The following B3GLCT variants were observed in gnomAD, a reference collection of about 807,000 sequenced individuals.
The protein encoded by B3GLCT is beta-1,3-glucosyltransferase.
In B3GLCT, 65 loss-of-function variants were observed where a neutral mutation model predicts 63.4. That is an observed-to-expected ratio of 1.03 (90% CI 0.84 to 1.26). The LOEUF is 1.26. Ranked by LOEUF, B3GLCT falls within the 50% of genes most tolerant of loss-of-function variation. The pLI is 0.00. For missense variants in B3GLCT, 577 were observed against 604.8 expected (o/e 0.95, Z 0.48); for synonymous variants, 233 against 219.2 (o/e 1.06, Z -0.55).
chr13:31,293,609 A>G (rs1171156002), intron 12 of B3GLCT, among the ~76,000 whole-genome samples: 1 of 152,024 alleles, frequency 6.6e-6, no homozygotes, highest in African/African-American at 2.4e-5. Context: ...GTTTTATCAG[A>G]TAGTAGGATT....
chr13:31,242,596 G>A (rs2137797659), intron 4 of B3GLCT, among the ~76,000 whole-genome samples: 1 of 152,340 alleles, frequency 6.6e-6, no homozygotes, highest in South Asian at 2.1e-4. Context: ...AAACTCACTC[G>A]AGTTGCATGG....
intron 12 of B3GLCT, among the ~76,000 whole-genome samples, chr13:31,315,000 A>G (rs1378598330): frequency 6.6e-6 from 1 of 152,134 alleles, no homozygotes; most frequent in East Asian, 1.9e-4. Context: ...TGCTGCCACC[A>G]TGTAAGAAAT....
At chr13:31,268,553 A>G (rs1383965987) in intron 7 of B3GLCT, among the ~76,000 whole-genome samples, 1 of 152,160 alleles carries the variant, frequency 6.6e-6, no homozygotes, top group African/African-American at 2.4e-5. Context: ...TTTGGTGTTT[A>G]CAAGTTTGCT....
chr13:31,323,707 TG>T, intron 13 of B3GLCT, 43 bp from the exon 14 acceptor site: 1 of 1,612,862 alleles, frequency 6.2e-7, no homozygotes, highest in Non-Finnish European at 8.5e-7. Flanking sequence ...CAGCGGTGTC[TG>T]TGGAGCTTCT....
chr13:31,208,491 G>A (rs1218233508), intron 1 of B3GLCT, among the ~76,000 whole-genome samples: 1 of 151,984 alleles, frequency 6.6e-6, no homozygotes, highest in African/African-American at 2.4e-5. Flanking sequence ...CAGGACGCTG[G>A]GCACCAAGTT....
chr13:31,240,156 C>G (rs1401010693), intron 4 of B3GLCT, among the ~76,000 whole-genome samples: 10 of 152,134 alleles, frequency 6.6e-5, no homozygotes, highest in Non-Finnish European at 8.8e-5. Flanking sequence ...AATCAGAAGT[C>G]AGGATGCTTA....
chr13:31,285,609 A>T (rs1566081476), intron 11 of B3GLCT, among the ~76,000 whole-genome samples: 1 of 91,606 alleles, frequency 1.1e-5, no homozygotes. Context: ...ATGAGTAAAA[A>T]AAAAAAAAAA....
intron 6 of B3GLCT, among the ~76,000 whole-genome samples, chr13:31,249,900 A>C (rs1462971870): frequency 1.3e-5 from 2 of 152,228 alleles, no homozygotes; most frequent in Non-Finnish European, 2.9e-5. Context: ...CTTTGAGTAC[A>C]TTAAAATAAT....
At chr13:31,237,203 A>G (rs1870697622) in intron 4 of B3GLCT, among the ~76,000 whole-genome samples, 2 of 152,260 alleles carry the variant, frequency 1.3e-5, no homozygotes, top group South Asian at 2.1e-4. Context: ...CTTAGGGGGC[A>G]ATGATGAGAT....
chr13:31,314,238 G>A (rs1017872287), intron 12 of B3GLCT, among the ~76,000 whole-genome samples: 2 of 152,156 alleles, frequency 1.3e-5, no homozygotes, highest in African/African-American at 2.4e-5. Flanking sequence ...GTGGAGCTGT[G>A]AAAAGAGGGC....
At chr13:31,274,680 CTGTGCATAA>C in intron 9 of B3GLCT, 52 bp downstream of exon 9, 3 of 1,602,312 alleles carry the variant, frequency 1.9e-6, no homozygotes, top group Non-Finnish European at 2.6e-6. Context: ...AATTTAGATG[CTGTGCATAA>C]TGTCATCCTA....
chr13:31,236,098 G>A (rs1870633426), intron 4 of B3GLCT, among the ~76,000 whole-genome samples: 1 of 152,168 alleles, frequency 6.6e-6, no homozygotes, highest in African/African-American at 2.4e-5. Context: ...TTGTCCTTCA[G>A]TGTATCTGTT....
chr13:31,260,742 ACTT>A (rs1324716988), intron 6 of B3GLCT, among the ~76,000 whole-genome samples: 1 of 152,152 alleles, frequency 6.6e-6, no homozygotes, highest in Non-Finnish European at 1.5e-5. Flanking sequence ...ATCTTGAACT[ACTT>A]TTTTGTATAC....
At chr13:31,297,539 T>C (rs1874016814) in intron 12 of B3GLCT, among the ~76,000 whole-genome samples, 1 of 152,162 alleles carries the variant, frequency 6.6e-6, no homozygotes, top group South Asian at 2.1e-4. Context: ...ACCAAAAGTG[T>C]GGAGCAGGGA....
intron 6 of B3GLCT, 68 bp downstream of exon 6, chr13:31,248,034 T>A: frequency 1.1e-6 from 1 of 888,076 alleles, no homozygotes; most frequent in Non-Finnish European, 1.8e-6. Context: ...TAATTTTGAT[T>A]AAGAAGCTTT....
In B3GLCT at chr13:31,318,311, G is replaced by C. The variant is rs150831199; in HGVS notation, c.1184+626G>C. Among the ~76,000 whole-genome samples, 158 of 152,264 alleles carry C rather than the reference G, an allele frequency of 1.0e-3. 2 individuals carry two copies. The East Asian group carries it at 0.011, about 10-fold the overall frequency. The stretch of plus-strand genomic sequence containing the variant: ...GGTAGTCATTTAAATTCACTCAGTA[G>C]ATATTTGTTGCATGTCTTCTGTGTT... On this transcript the variant is annotated intron_variant, in intron 13 of 14. Transcript: ENST00000343307.
At position 31,286,396 on chromosome 13, in the gene B3GLCT, C is replaced by A. The variant is rs149064136; in HGVS notation, c.965-324C>A. ...GATGCCATTGCTCATTGCTGTGAGT[C>A]TTAAAACTTTCTTGCCTGGACTGAA... On this transcript the variant is annotated intron_variant, in intron 11 of 14. Coordinates refer to ENST00000343307, the MANE Select transcript of B3GLCT (RefSeq NM_194318.4). Among the ~76,000 whole-genome samples the A allele has an allele frequency of 1.8e-4, 28 of 152,310 alleles. No homozygotes were observed. The East Asian group carries it at 4.8e-3, about 26-fold the overall frequency.
chr13:31,312,137 G>A (rs771446790), intron 12 of B3GLCT, among the ~76,000 whole-genome samples: 5 of 152,194 alleles, frequency 3.3e-5, no homozygotes, highest in African/African-American at 4.8e-5. Flanking sequence ...TAAGATGGCC[G>A]TTTGAGCTGC....
At chr13:31,263,557 C>T (rs1000120625) in intron 7 of B3GLCT, among the ~76,000 whole-genome samples, 1 of 152,170 alleles carries the variant, frequency 6.6e-6, no homozygotes, top group African/African-American at 2.4e-5. Context: ...GGCTAGTGCT[C>T]ACCTCATTAC....
Sources: gnomAD v4.1 joint callset for allele counts (sites outside exome capture counted in the v4.1 genomes callset) on GRCh38, gnomAD v4.1.1 for gene constraint, MANE v1.5 for transcripts, NCBI Gene and HGNC (gene_info 2026-07-23, HGNC 2026-07-21) for gene names.